Variants in C15orf61 observed in about 807,000 individuals in gnomAD.
C15orf61 encodes chromosome 15 open reading frame 61.
C15orf61 carries 12 observed loss-of-function variants against 13.7 expected under a neutral mutation model. That is an observed-to-expected ratio of 0.88 (90% confidence interval 0.56 to 1.42). C15orf61 has a LOEUF of 1.42. Among genes scored for constraint, C15orf61 ranks in the 40% most tolerant of loss-of-function variants. The pLI is 0.00. For synonymous variants in C15orf61, 92 were observed against 94.1 expected (o/e 0.98, Z 0.13); for missense variants, 248 against 213.2 (o/e 1.16, Z -1.02).
In C15orf61 at chr15:67,529,728, T is replaced by C. The variant is rs960243695; in HGVS notation, c.*3183T>C. 4 of 152,246 alleles carry C rather than the reference T, an allele frequency of 2.6e-5. No individual in the cohort carries two copies. The highest frequency in any genetic ancestry group is 5.9e-5 in the Non-Finnish European group (4 of 68,062). The allele number at this position is 152,246 out of a possible 1,614,324, so 9.4% of individuals were successfully genotyped here. A position where few individuals can be genotyped will look rare whatever the true frequency, so the allele number is the denominator to read the frequency against. ...GAGCCACCAGGCCTAGCTGAAACATTTGTAATTATTAAAACCGTGTATCTT... is the reference window on the plus strand; with the variant it reads ...GAGCCACCAGGCCTAGCTGAAACATCTGTAATTATTAAAACCGTGTATCTT... On this transcript the variant is annotated 3_prime_UTR_variant, in exon 2 of 2. Coordinates refer to ENST00000342683, the MANE Select transcript of C15orf61 (RefSeq NM_001143936.2). This position sits in a 1 kb window ranked among gnomAD's most constrained non-coding sequence, Gnocchi z 4.4.
At chr15:67,523,622 T>C (rs771837452) in intron 1 of C15orf61, among the ~76,000 whole-genome samples, 2 of 152,178 alleles carry the variant, frequency 1.3e-5, no homozygotes, top group Non-Finnish European at 2.9e-5. Flanking sequence ...TTGACAGTGG[T>C]TTACCTACTG....
At chr15:67,521,626 AGCCCGCCCG>A in intron 1 of C15orf61, 32 bp downstream of exon 1, 2 of 1,461,526 alleles carry the variant, frequency 1.4e-6, no homozygotes, top group Non-Finnish European at 1.8e-6. Context: ...CACGCGGTGA[AGCCCGCCCG>A]GCCGGGACGG....
At chr15:67,524,617 G>C (rs547276089) in intron 1 of C15orf61, among the ~76,000 whole-genome samples, 2 of 152,002 alleles carry the variant, frequency 1.3e-5, no homozygotes, top group South Asian at 2.1e-4. Context: ...AGCCTGAATG[G>C]GCATTTTTTT....
rs1383104373 is a variant in C15orf61, at chr15:67,521,407, G to C, written c.159G>C (p.Val53=). ...TGCCGCACTGGACCTCCTTCTGCGT[G>C]CCCTACAGCGCCGTCCGCAACGACC... ...RRLPHWTSFC[V]PYSAVRNDQF... is the part of the protein sequence containing the mutation. Residue 53 remains valine (V), a synonymous_variant, in exon 1 of 2, where the codon GTG becomes GTC. Coordinates refer to ENST00000342683, the MANE Select transcript of C15orf61 (RefSeq NM_001143936.2). The C allele has an allele frequency of 1.3e-6, 2 of 1,543,502 alleles. No individual in the cohort carries two copies. The highest frequency in any genetic ancestry group is 2.4e-5 in the East Asian group (1 of 40,892).
Position 67,521,454 on chromosome 15 carries a change from A to G in C15orf61, c.206A>G (p.Asn69Ser), listed in dbSNP as rs201395244. The change falls in exon 1 of 2, where the codon AAC becomes AGC. Residue 69 changes from asparagine (N) to serine (S), a missense_variant. Asn to Ser is a conservative substitution (Grantham distance 46). Transcript: ENST00000342683. ...GACCAGTTCGGCCTCTCGCACTTCA[A>G]CTGGCCGGTGCAGGGCGCCAACTAC... ...RNDQFGLSHFNWPVQGANYHV... is the reference protein window; with the variant it reads ...RNDQFGLSHFSWPVQGANYHV... 135 of 1,547,782 alleles carry G rather than the reference A, an allele frequency of 8.7e-5. No homozygotes were observed. The highest frequency in any genetic ancestry group is 1.7e-4 in the Middle Eastern group (1 of 6,016).
chr15:67,521,275 G>T lies in C15orf61; in HGVS notation c.27G>T (p.Glu9Asp), dbSNP rs560365405. The change falls in exon 1 of 2, where the codon GAG (glutamate) becomes GAT (aspartate). Residue 9 changes from glutamate to aspartate, a missense_variant. Glu to Asp is a conservative substitution (Grantham distance 45). Coordinates refer to ENST00000342683, the MANE Select transcript of C15orf61 (RefSeq NM_001143936.2). Reference protein sequence around the residue: MEALRRAHEVALRLLLCRP... With the variant: MEALRRAHDVALRLLLCRP... The stretch of plus-strand genomic sequence containing the variant: ...TGGAGGCCCTGAGGAGGGCCCACGA[G>T]GTCGCGCTCCGCCTGCTGCTGTGTA... 8.6e-4 allele frequency: 1,232 copies of T among 1,437,800 alleles called. 6 individuals carry two copies. The highest frequency in any genetic ancestry group is 6.0e-3 in the South Asian group (421 of 70,404). 89.1% of individuals were successfully genotyped at this position (1,437,800 alleles called of 1,614,324 possible). A position where few individuals can be genotyped will look rare whatever the true frequency, so the allele number is the denominator to read the frequency against.
rs1411602229 is a variant in C15orf61, at chr15:67,526,745, T to C, written c.*200T>C. Reference sequence around the variant, plus strand: ...TATTACATACTCTGTTTAGCTGATGTGAACTACAAACACATGAAGCTTCAC... The same window carrying C: ...TATTACATACTCTGTTTAGCTGATGCGAACTACAAACACATGAAGCTTCAC... On this transcript the variant is annotated 3_prime_UTR_variant, in exon 2 of 2. Coordinates refer to ENST00000342683, the MANE Select transcript of C15orf61 (RefSeq NM_001143936.2). The C allele has an allele frequency of 2.5e-6, 1 of 400,936 alleles. No individual in the cohort carries two copies. The highest frequency in any genetic ancestry group is 2.1e-5 in the African/African-American group (1 of 48,492). 24.8% of individuals were successfully genotyped at this position (400,936 alleles called of 1,614,324 possible). A position where few individuals can be genotyped will look rare whatever the true frequency, so the allele number is the denominator to read the frequency against.
In C15orf61 at chr15:67,528,604, C is replaced by T. The variant is rs2084211527; in HGVS notation, c.*2059C>T. The T allele has an allele frequency of 1.3e-5, 2 of 152,076 alleles. No homozygotes were observed. The highest frequency in any genetic ancestry group is 4.8e-5 in the African/African-American group (2 of 41,406). The allele number at this position is 152,076 out of a possible 1,614,324, so 9.4% of individuals were successfully genotyped here. On this transcript the variant is annotated 3_prime_UTR_variant, in exon 2 of 2. Transcript: ENST00000342683. ...GAAAACAATACTTCCCATTGAACAG[C>T]AATGGTTTAAGTTTTTTCTTTAAAG... is the stretch of plus-strand genomic sequence containing the variant.
chr15:67,526,585 CTG>C lies in C15orf61; in HGVS notation c.*44_*45del. Reference sequence around the variant, plus strand: ...GAACATAAATATCAGTGGATTTTCTCTGTGTATATGTGCAGTATTTATTTTTG... The same window carrying C: ...GAACATAAATATCAGTGGATTTTCTCTGTATATGTGCAGTATTTATTTTTG... On this transcript the variant is annotated 3_prime_UTR_variant, in exon 2 of 2. Transcript: ENST00000342683. 4 of 1,473,478 alleles carry C rather than the reference CTG, an allele frequency of 2.7e-6. No homozygotes were observed. In the South Asian group the frequency reaches 5.6e-5, roughly 20 times the overall value. 91.3% of individuals were successfully genotyped at this position (1,473,478 alleles called of 1,614,324 possible).
At chr15:67,524,141 A>G (rs1000254365) in intron 1 of C15orf61, among the ~76,000 whole-genome samples, 2 of 152,170 alleles carry the variant, frequency 1.3e-5, no homozygotes, top group African/African-American at 2.4e-5. Context: ...TATTCCTTAA[A>G]TTTATATACT....
At position 67,529,681 on chromosome 15, in the gene C15orf61, A is replaced by G. The variant is rs1454578598; in HGVS notation, c.*3136A>G. The G allele has an allele frequency of 6.6e-6, 1 of 152,250 alleles. No individual in the cohort carries two copies. The highest frequency in any genetic ancestry group is 1.5e-5 in the Non-Finnish European group (1 of 68,070). 9.4% of individuals were successfully genotyped at this position (152,250 alleles called of 1,614,324 possible). A position where few individuals can be genotyped will look rare whatever the true frequency, so the allele number is the denominator to read the frequency against. ...GGTGATCTGCCGGCCTCGGCCTCCC[A>G]AAGTGCTGGGATTACAGGCATGAGC... On this transcript the variant is annotated 3_prime_UTR_variant, in exon 2 of 2. Transcript: ENST00000342683. This position sits in a 1 kb window ranked among gnomAD's most constrained non-coding sequence, Gnocchi z 4.4.
rs2084215355 is a variant in C15orf61, at chr15:67,529,240, C to A, written c.*2695C>A. 6.6e-6 allele frequency: 1 copy of A among 152,106 alleles called. No individual in the cohort carries two copies. The highest frequency in any genetic ancestry group is 1.5e-5 in the Non-Finnish European group (1 of 68,030). 9.4% of individuals were successfully genotyped at this position (152,106 alleles called of 1,614,324 possible). A position where few individuals can be genotyped will look rare whatever the true frequency, so the allele number is the denominator to read the frequency against. ...AAATTCCTAGGCAAAATTCTTAGTT[C>A]CTGTGTAAGTTGTGAGCCACTATAA... On this transcript the variant is annotated 3_prime_UTR_variant, in exon 2 of 2. Transcript: ENST00000342683. This position sits in a 1 kb window ranked among gnomAD's most constrained non-coding sequence, Gnocchi z 4.4.
intron 1 of C15orf61, 168 bp downstream of exon 1, chr15:67,521,762 G>T: frequency 2.7e-6 from 2 of 746,022 alleles, no homozygotes; most frequent in South Asian, 1.9e-5. Flanking sequence ...CGCCCAGGGG[G>T]TCCCCAGCTT....
chr15:67,525,703 G>A lies in C15orf61; in HGVS notation c.347-715G>A, dbSNP rs564104143. On this transcript the variant is annotated intron_variant, in intron 1 of 1. Coordinates refer to ENST00000342683, the MANE Select transcript of C15orf61 (RefSeq NM_001143936.2). This position sits in a 1 kb window ranked among gnomAD's most constrained non-coding sequence, Gnocchi z 4.9. ...TACAAAAATTACTTCAACCATTAGT[G>A]TTACTACTAACTTAAAGAACAGTAA... is the stretch of plus-strand genomic sequence containing the variant. 6.6e-6 allele frequency among the ~76,000 whole-genome samples: 1 copy of A among 152,190 alleles called. No individual in the cohort carries two copies. Among genetic ancestry groups the A allele is most frequent in the South Asian group, 2.1e-4 (1 of 4,814 alleles).
intron 1 of C15orf61, among the ~76,000 whole-genome samples, chr15:67,524,396 T>TC (rs1474084532): frequency 3.3e-5 from 5 of 152,136 alleles, no homozygotes; most frequent in Admixed American, 3.3e-4. Flanking sequence ...TGCCTTTTTT[T>TC]TTCTTTGTGG....
In C15orf61 at chr15:67,526,414, C is replaced by A; in HGVS notation, c.347-4C>A. ...ATGTTTATACATATTCGTTTGTTTT[C>A]TAGGTATTCCAACTTTATTATATGG... On this transcript the variant is annotated splice_region_variant and splice_polypyrimidine_tract_variant and intron_variant, in intron 1 of 1. Transcript: ENST00000342683. 1 of 1,511,746 alleles carries A rather than the reference C, an allele frequency of 6.6e-7. No individual in the cohort carries two copies. Among genetic ancestry groups the A allele is most frequent in the Non-Finnish European group, 9.0e-7 (1 of 1,115,636 alleles). The allele number at this position is 1,511,746 out of a possible 1,614,324, so 93.6% of individuals were successfully genotyped here.
intron 1 of C15orf61, among the ~76,000 whole-genome samples, chr15:67,524,138 T>G (rs1396251181): frequency 6.6e-6 from 1 of 152,250 alleles, no homozygotes; most frequent in Non-Finnish European, 1.5e-5. Context: ...AGGTATTCCT[T>G]AAATTTATAT....
chr15:67,528,466 C>G lies in C15orf61; in HGVS notation c.*1921C>G, dbSNP rs2084210584. The G allele has an allele frequency of 6.6e-6, 1 of 152,202 alleles. No homozygotes were observed. The highest frequency in any genetic ancestry group is 1.5e-5 in the Non-Finnish European group (1 of 68,042). The allele number at this position is 152,202 out of a possible 1,614,324, so 9.4% of individuals were successfully genotyped here. On this transcript the variant is annotated 3_prime_UTR_variant, in exon 2 of 2. Coordinates refer to ENST00000342683, the MANE Select transcript of C15orf61 (RefSeq NM_001143936.2). ...CATGAAAATCAATAGACCTCTTGCT[C>G]TTACGGAGTTGATCATGGTGAAGGA...
chr15:67,521,509 C>G lies in C15orf61; in HGVS notation c.261C>G (p.Phe87Leu), dbSNP rs1460771925. ...YHVLRTGCFPFIKYHCSKAPW... is the reference protein window; with the variant it reads ...YHVLRTGCFPLIKYHCSKAPW... ...TCCTGCGCACCGGCTGCTTCCCCTT[C>G]ATCAAGTACCACTGCTCCAAGGCTC... Residue 87 changes from phenylalanine to leucine, a missense_variant, in exon 1 of 2, where the codon TTC becomes TTG. Coordinates refer to ENST00000342683, the MANE Select transcript of C15orf61 (RefSeq NM_001143936.2). 1.9e-6 allele frequency: 3 copies of G among 1,548,596 alleles called. No homozygotes were observed. Among genetic ancestry groups the G allele is most frequent in the Non-Finnish European group, 2.6e-6 (3 of 1,146,736 alleles).
Sources: gnomAD v4.1 joint callset for allele counts (sites outside exome capture counted in the v4.1 genomes callset) on GRCh38, gnomAD v4.1.1 for gene constraint, Gnocchi (gnomAD v3.1) non-coding constraint, MANE v1.5 for transcripts, NCBI Gene and HGNC (gene_info 2026-07-23, HGNC 2026-07-21) for gene names.